The following USO1 variants were observed in gnomAD, a reference collection of about 807,000 sequenced individuals.
The protein encoded by USO1 is USO1 vesicle transport factor.
In USO1, 57 loss-of-function variants were observed where a neutral mutation model predicts 124.5. That is an observed-to-expected ratio of 0.46 (90% CI 0.37 to 0.57). The LOEUF is 0.57. Among genes scored for constraint, USO1 ranks in the 20% least tolerant of loss-of-function variants. USO1 has a pLI of 0.00. For synonymous variants in USO1, 369 were observed against 362.8 expected (o/e 1.02, Z -0.19); for missense variants, 900 against 1,040.6 (o/e 0.86, Z 1.86).
chr4:75,792,265 G>C (rs976943488), intron 12 of USO1, among the ~76,000 whole-genome samples: 1 of 152,002 alleles, frequency 6.6e-6, no homozygotes, highest in East Asian at 1.9e-4. Flanking sequence ...GGCTGGGCTT[G>C]GTGGCTCACT....
intron 18 of USO1, 110 bp downstream of exon 18, chr4:75,804,382 A>AT: frequency 7.1e-7 from 1 of 1,405,848 alleles, no homozygotes; most frequent in Admixed American, 3.1e-5. Flanking sequence ...AACCTTAATC[A>AT]TGGTGACAAA....
chr4:75,795,237 T>C (rs1390276856), intron 13 of USO1: 29 of 682,688 alleles, frequency 4.2e-5, no homozygotes, highest in Non-Finnish European at 6.6e-5. Context: ...GGCTTGAGTT[T>C]GTAGAGAGAC....
intron 1 of USO1, among the ~76,000 whole-genome samples, chr4:75,726,141 C>G (rs1720442600): frequency 6.6e-6 from 1 of 152,002 alleles, no homozygotes; most frequent in African/African-American, 2.4e-5. Context: ...ATTAGCCGGC[C>G]GTGGTGGCAC....
intron 1 of USO1, among the ~76,000 whole-genome samples, chr4:75,740,666 CAGTT>C (rs1720933770): frequency 6.6e-6 from 1 of 152,108 alleles, no homozygotes; most frequent in African/African-American, 2.4e-5. Flanking sequence ...TAGCAACAAA[CAGTT>C]ATATTCATAA....
intron 1 of USO1, among the ~76,000 whole-genome samples, chr4:75,738,501 A>G (rs1720860480): frequency 6.6e-6 from 1 of 152,084 alleles, no homozygotes; most frequent in Admixed American, 6.5e-5. Context: ...GTTTTGAGAC[A>G]GGATCTCACT....
At chr4:75,792,263 T>C (rs961555119) in intron 12 of USO1, among the ~76,000 whole-genome samples, 1 of 151,784 alleles carries the variant, frequency 6.6e-6, no homozygotes, top group Non-Finnish European at 1.5e-5. Flanking sequence ...TAGGCTGGGC[T>C]TGGTGGCTCA....
intron 8 of USO1, among the ~76,000 whole-genome samples, chr4:75,777,211 C>A (rs1722095110): frequency 6.6e-6 from 1 of 152,120 alleles, no homozygotes; most frequent in Non-Finnish European, 1.5e-5. Context: ...ACTGTTTTCA[C>A]ACATATTTTG....
At chr4:75,776,494 G>T (rs1488869797) in intron 8 of USO1, among the ~76,000 whole-genome samples, 1 of 152,086 alleles carries the variant, frequency 6.6e-6, no homozygotes, top group African/African-American at 2.4e-5. Context: ...GTACATTTTT[G>T]GAGGCAATTG....
chr4:75,728,027 A>G (rs1720514056), intron 1 of USO1, among the ~76,000 whole-genome samples: 1 of 152,168 alleles, frequency 6.6e-6, no homozygotes, highest in Non-Finnish European at 1.5e-5. Context: ...CCCAGTAAAT[A>G]CTTGTGAAAT....
rs1721576785 is a variant in USO1, at chr4:75,760,552, A to G, written c.295+2979A>G. The G allele has an allele frequency of 5.0e-6, 2 of 397,064 alleles. 1 individual carries two copies. The highest frequency in any genetic ancestry group is 8.9e-6 in the Non-Finnish European group (2 of 224,806). The allele number at this position is 397,064 out of a possible 1,614,324, so 24.6% of individuals were successfully genotyped here. A position where few individuals can be genotyped will look rare whatever the true frequency, so the allele number is the denominator to read the frequency against. Reference sequence around the variant, plus strand: ...ACTACATTAAAAAACTATTGTCTTTATCATCCACTTTTTATTTATTTATTT... The same window carrying G: ...ACTACATTAAAAAACTATTGTCTTTGTCATCCACTTTTTATTTATTTATTT... On this transcript the variant is annotated intron_variant, in intron 4 of 23. Transcript: ENST00000514213.
At chr4:75,743,447 C>T (rs1721025021) in intron 1 of USO1, among the ~76,000 whole-genome samples, 1 of 152,270 alleles carries the variant, frequency 6.6e-6, no homozygotes, top group East Asian at 1.9e-4. Flanking sequence ...GCCCCTCTGC[C>T]TGGCTGTGCT....
chr4:75,807,476 A>G (rs1185127986), intron 20 of USO1, among the ~76,000 whole-genome samples: 1 of 152,082 alleles, frequency 6.6e-6, no homozygotes, highest in African/African-American at 2.4e-5. Flanking sequence ...TAGTCCACTG[A>G]CATGGCTGCT....
intron 21 of USO1, among the ~76,000 whole-genome samples, chr4:75,809,417 C>T (rs551251740): frequency 3.3e-5 from 5 of 152,296 alleles, no homozygotes; most frequent in African/African-American, 1.2e-4. Context: ...TTTTCCAAAT[C>T]TTCTAATTCT....
chr4:75,753,341 C>T lies in USO1; in HGVS notation c.218+737C>T, dbSNP rs981381772. Among the ~76,000 whole-genome samples the T allele has an allele frequency of 2.2e-4, 34 of 151,248 alleles. 1 individual carries two copies. The highest frequency in any genetic ancestry group is 8.4e-4 in the South Asian group (4 of 4,762). The stretch of plus-strand genomic sequence containing the variant: ...TTGAGGTCAGGAGTTCGAGACCAGC[C>T]TGGTCAAATGGTGAAACCCGGTCTC... On this transcript the variant is annotated intron_variant, in intron 3 of 23. Coordinates refer to ENST00000514213, the MANE Select transcript of USO1 (RefSeq NM_003715.4).
chr4:75,773,493 G>T (rs1721990676), intron 7 of USO1, among the ~76,000 whole-genome samples: 1 of 152,138 alleles, frequency 6.6e-6, no homozygotes, highest in Non-Finnish European at 1.5e-5. Flanking sequence ...TTTGCTTAAA[G>T]TTGGCACAAC....
At chr4:75,759,246 CT>C (rs71208100) in intron 4 of USO1, among the ~76,000 whole-genome samples, 3,208 of 69,212 alleles carry the variant, frequency 0.046, 397 homozygotes, top group African/African-American at 0.19. Context: ...TATTAAGGAC[CT>C]TTTTTTTTTT....
intron 19 of USO1, among the ~76,000 whole-genome samples, chr4:75,805,825 C>G (rs1245179570): frequency 6.6e-6 from 1 of 151,846 alleles, no homozygotes; most frequent in Non-Finnish European, 1.5e-5. Flanking sequence ...AAACTTGTTT[C>G]CTGATCTATA....
At chr4:75,728,280 G>T (rs898736948) in intron 1 of USO1, among the ~76,000 whole-genome samples, 3 of 151,690 alleles carry the variant, frequency 2.0e-5, no homozygotes, top group Admixed American at 2.0e-4. Flanking sequence ...GTGATTGATT[G>T]TATAGTATCT....
chr4:75,782,643 C>T (rs1242042993), intron 8 of USO1, 37 bp from the exon 9 acceptor site: 11 of 1,509,204 alleles, frequency 7.3e-6, no homozygotes, highest in African/African-American at 4.3e-5. Context: ...TCAGGTTTTA[C>T]GAGCCTTAAC....
Sources: allele counts gnomAD v4.1 joint callset (sites outside exome capture counted in the v4.1 genomes callset), GRCh38; gene constraint gnomAD v4.1.1; transcripts MANE v1.5; gene names NCBI Gene and HGNC (gene_info 2026-07-23, HGNC 2026-07-21).